Variants in RAB10 observed in about 807,000 individuals in gnomAD.
RAB10 encodes the protein RAB10, member RAS oncogene family.
A neutral mutation model predicts 25.7 loss-of-function variants in RAB10; 5 were observed. The observed-to-expected ratio is 0.19, with a 90% CI of 0.10 to 0.41. The LOEUF (loss-of-function observed/expected upper bound fraction) is 0.41. Among genes scored for constraint, RAB10 ranks in the 10% least tolerant of loss-of-function variants. RAB10 has a pLI of 1.00. For missense variants in RAB10, 103 were observed against 245.8 expected (o/e 0.42, Z 3.89); for synonymous variants, 89 against 86.4 (o/e 1.03, Z -0.16).
At chr2:26,091,891 AC>A (rs373577585) in intron 1 of RAB10, among the ~76,000 whole-genome samples, 2 of 152,228 alleles carry the variant, frequency 1.3e-5, no homozygotes, top group East Asian at 3.9e-4. Context: ...TCAGATGAGG[AC>A]CAGGCATGGT....
At chr2:26,071,239 T>C (rs1456655277) in intron 1 of RAB10, among the ~76,000 whole-genome samples, 1 of 152,212 alleles carries the variant, frequency 6.6e-6, no homozygotes, top group Non-Finnish European at 1.5e-5. Context: ...ACTTGTGAAA[T>C]TGTTTGGATT....
chr2:26,096,598 T>C (rs1362397779), intron 1 of RAB10, among the ~76,000 whole-genome samples: 2 of 152,220 alleles, frequency 1.3e-5, no homozygotes, highest in South Asian at 2.1e-4. Context: ...TTTTGAAAAC[T>C]TGGCTTTTTT....
chr2:26,131,056 T>TAA (rs1404943436), intron 5 of RAB10, among the ~76,000 whole-genome samples: 2 of 150,594 alleles, frequency 1.3e-5, no homozygotes, highest in African/African-American at 4.9e-5. Context: ...TGAATAGTGC[T>TAA]ATATAGCCAT....
rs550151336 is a variant in RAB10 at position 26,041,978 on chromosome 2, A to G, written c.127+7243A>G. Among the ~76,000 whole-genome samples, 65 of 152,304 alleles carry G rather than the reference A, an allele frequency of 4.3e-4. 2 individuals carry two copies. The South Asian group carries it at 0.013, about 30-fold the overall frequency. ...GGCTTAAGAGAGTTACTGCTTTTGG[A>G]TGAGAAGATTTCAGTGGTTGATTTG... On this transcript the variant is annotated intron_variant, in intron 1 of 5. Coordinates refer to ENST00000264710, the MANE Select transcript of RAB10 (RefSeq NM_016131.5).
At chr2:26,050,130 C>T (rs1013799893) in intron 1 of RAB10, among the ~76,000 whole-genome samples, 5 of 152,152 alleles carry the variant, frequency 3.3e-5, no homozygotes, top group Admixed American at 6.6e-5. Context: ...TGCCTTTGAG[C>T]ATATCATCCT....
intron 1 of RAB10, chr2:26,042,641 G>A (rs1665915907): frequency 6.6e-6 from 1 of 151,924 alleles, no homozygotes; most frequent in African/African-American, 2.4e-5. Flanking sequence ...GTGAGATTCT[G>A]TCTTAAACAA....
At chr2:26,096,426 C>CTGGATGGA (rs1387189328) in intron 1 of RAB10, among the ~76,000 whole-genome samples, 12 of 79,964 alleles carry the variant, frequency 1.5e-4, no homozygotes, top group African/African-American at 4.4e-4. Context: ...GGATGGCTGG[C>CTGGATGGA]TGGCTGGATG....
chr2:26,082,060 A>G (rs536535344), intron 1 of RAB10, among the ~76,000 whole-genome samples: 5 of 152,296 alleles, frequency 3.3e-5, no homozygotes, highest in African/African-American at 1.2e-4. Context: ...TTTCTTCTCA[A>G]TTTTTAATTT....
At position 26,098,741 on chromosome 2, in the gene RAB10, C is replaced by A. The variant is rs1051188778; in HGVS notation, c.188+19C>A. The A allele has an allele frequency of 1.9e-6, 3 of 1,543,360 alleles. No individual in the cohort carries two copies. Among genetic ancestry groups the A allele is most frequent in the Non-Finnish European group, 2.7e-6 (3 of 1,122,864 alleles). ...AGATATGGTAAGTGATGCTAATTTA[C>A]TTTATGTAGCAGAATGTCAGGTTCC... On this transcript the variant is annotated intron_variant, in intron 2 of 5. Coordinates refer to ENST00000264710, the MANE Select transcript of RAB10 (RefSeq NM_016131.5).
intron 3 of RAB10, among the ~76,000 whole-genome samples, chr2:26,123,004 A>G (rs1001256887): frequency 2.0e-5 from 3 of 152,312 alleles, no homozygotes; most frequent in Admixed American, 6.5e-5. Flanking sequence ...TGCAAATGCA[A>G]TTGGGTTTAT....
chr2:26,098,073 A>G (rs1270863373), intron 1 of RAB10, among the ~76,000 whole-genome samples: 1 of 141,306 alleles, frequency 7.1e-6, no homozygotes, highest in African/African-American at 2.6e-5. Flanking sequence ...ATTTGTAAAA[A>G]CTCACTCTTT....
At position 26,084,949 on chromosome 2, in the gene RAB10, T is replaced by C. The variant is rs540556441; in HGVS notation, c.128-13713T>C. Among the ~76,000 whole-genome samples, 374 of 152,336 alleles carry C rather than the reference T, an allele frequency of 2.5e-3. 2 individuals are homozygous for C. The highest frequency in any genetic ancestry group is 4.0e-3 in the Non-Finnish European group (275 of 68,030). ...CTAAAGGGTTATTTAGGAATGTGTA[T>C]ATTGCATTGTACTAGAAATGCTTGT... On this transcript the variant is annotated intron_variant, in intron 1 of 5. Coordinates refer to ENST00000264710, the MANE Select transcript of RAB10 (RefSeq NM_016131.5).
chr2:26,127,357 T>C (rs1333859107), intron 4 of RAB10, 124 bp downstream of exon 4: 1 of 730,888 alleles, frequency 1.4e-6, no homozygotes, highest in African/African-American at 1.9e-5. Context: ...AAAATGCTTG[T>C]TGGAAATAAT....
rs757136839 is a variant in RAB10 at position 26,034,644 on chromosome 2, G to T, written c.36G>T (p.Leu12=). ...AKKTYDLLFK[L]LLIGDSGVGK... ...AGACGTACGACCTGCTTTTCAAGCT[G>T]CTCCTGATCGGGGATTCCGGAGTGG... The change falls in exon 1 of 6, where the codon CTG becomes CTT. Residue 12 remains leucine, a synonymous_variant. Transcript: ENST00000264710. 1.9e-6 allele frequency: 3 copies of T among 1,614,076 alleles called. No individual in the cohort carries two copies. Among genetic ancestry groups the T allele is most frequent in the Non-Finnish European group, 2.5e-6 (3 of 1,180,066 alleles).
intron 1 of RAB10, among the ~76,000 whole-genome samples, chr2:26,071,930 CT>C (rs1666634817): frequency 6.6e-6 from 1 of 151,980 alleles, no homozygotes; most frequent in African/African-American, 2.4e-5. Flanking sequence ...AGTGTGACAG[CT>C]TTTCTGTACA....
At chr2:26,131,889 T>C (rs1668019996) in intron 5 of RAB10, among the ~76,000 whole-genome samples, 1 of 152,256 alleles carries the variant, frequency 6.6e-6, no homozygotes, top group African/African-American at 2.4e-5. Flanking sequence ...TATATCATAA[T>C]TGAACAAGTC....
chr2:26,065,348 A>G (rs1363285743), intron 1 of RAB10, among the ~76,000 whole-genome samples: 1 of 152,070 alleles, frequency 6.6e-6, no homozygotes, highest in Non-Finnish European at 1.5e-5. Context: ...CAGTATGGCT[A>G]TATATATTTA....
chr2:26,067,707 C>A (rs1553725385), intron 1 of RAB10, among the ~76,000 whole-genome samples: 1 of 152,218 alleles, frequency 6.6e-6, no homozygotes, highest in Non-Finnish European at 1.5e-5. Context: ...TAGATTTAAT[C>A]ATGTGTTAAA....
chr2:26,057,619 C>CA (rs758735440), intron 1 of RAB10, among the ~76,000 whole-genome samples: 110 of 148,780 alleles, frequency 7.4e-4, no homozygotes, highest in African/African-American at 1.7e-3. Context: ...AGGCAAGTTT[C>CA]TTTCATTCAT....
Sources: allele counts gnomAD v4.1 joint callset (sites outside exome capture counted in the v4.1 genomes callset), GRCh38; gene constraint gnomAD v4.1.1; transcripts MANE v1.5; gene names NCBI Gene and HGNC (gene_info 2026-07-23, HGNC 2026-07-21).